Variants in PTK2 observed in about 807,000 individuals in gnomAD.
PTK2 encodes protein tyrosine kinase 2, also known as focal adhesion kinase 1.
PTK2 carries 45 observed loss-of-function variants against 150.1 expected under a neutral mutation model. The observed-to-expected ratio is 0.30, with a 90% CI of 0.24 to 0.38. The LOEUF is 0.38. Among genes scored for constraint, PTK2 ranks in the 10% least tolerant of loss-of-function variants. The probability of loss-of-function intolerance (pLI) is 1.00; values close to 1 mark genes in which losing one functional copy is unlikely to be tolerated. For missense variants in PTK2, 919 were observed against 1,307.3 expected (o/e 0.70, Z 4.58); for synonymous variants, 432 against 449.2 (o/e 0.96, Z 0.48).
intron 1 of PTK2, among the ~76,000 whole-genome samples, chr8:140,999,201 C>G (rs551305927): frequency 6.6e-6 from 1 of 152,304 alleles, no homozygotes; most frequent in South Asian, 2.1e-4. Flanking sequence ...TGACTTGCTT[C>G]TTGATGCATC....
At chr8:140,789,433 A>ATGAGAG in intron 14 of PTK2, 41 bp downstream of exon 14, 2 of 1,601,736 alleles carry the variant, frequency 1.2e-6, no homozygotes, top group South Asian at 2.2e-5. Flanking sequence ...GTCTTACCCC[A>ATGAGAG]TGAGAGTGCT....
intron 27 of PTK2, among the ~76,000 whole-genome samples, chr8:140,682,803 A>T (rs555958648): frequency 1.3e-5 from 2 of 152,236 alleles, no homozygotes; most frequent in African/African-American, 2.4e-5. Flanking sequence ...TTTGAAACTA[A>T]TAAGTACAAA....
chr8:140,816,141 C>G (rs992228148), intron 10 of PTK2, among the ~76,000 whole-genome samples: 1 of 152,132 alleles, frequency 6.6e-6, no homozygotes, highest in African/African-American at 2.4e-5. Flanking sequence ...AGGTTGCAGA[C>G]TGTATGTTAA....
At chr8:140,738,438 G>C (rs1317383772) in intron 21 of PTK2, among the ~76,000 whole-genome samples, 1 of 152,200 alleles carries the variant, frequency 6.6e-6, no homozygotes. Flanking sequence ...TTCTACACCA[G>C]CTAGAAGGAA....
chr8:140,744,788 A>AC, intron 18 of PTK2, 21 bp from the exon 22 acceptor site: 208 of 1,213,208 alleles, frequency 1.7e-4, no homozygotes, highest in Non-Finnish European at 2.1e-4. Flanking sequence ...AATGACCAAA[A>AC]GAAAAAAAAA....
At chr8:140,920,767 A>C (rs2100167088) in intron 2 of PTK2, 3 of 1,383,774 alleles carry the variant, frequency 2.2e-6, no homozygotes, top group Non-Finnish European at 2.8e-6. Context: ...TTCGGTGCAA[A>C]AGCATGAATT....
chr8:140,898,202 T>C (rs886113144), intron 2 of PTK2, among the ~76,000 whole-genome samples: 2 of 152,216 alleles, frequency 1.3e-5, no homozygotes, highest in Non-Finnish European at 2.9e-5. Context: ...ATTTCCATCA[T>C]TAGAATCAAT....
At chr8:140,995,381 C>CAAAAAA (rs34527935) in intron 1 of PTK2, among the ~76,000 whole-genome samples, 2 of 92,354 alleles carry the variant, frequency 2.2e-5, no homozygotes, top group African/African-American at 8.1e-5. Flanking sequence ...GACTCCGTCT[C>CAAAAAA]AAAAAAAAAA....
intron 29 of PTK2, 166 bp downstream of exon 33, chr8:140,669,561 T>C (rs1308479153): frequency 1.5e-6 from 1 of 647,960 alleles, no homozygotes; most frequent in Non-Finnish European, 2.6e-6. Context: ...CTCATTCTTT[T>C]GCATATATAA....
At chr8:141,001,304 G>C (rs1589433414), upstream of PTK2, 1 of 147,362 alleles carries the variant, frequency 6.8e-6, no homozygotes, top group Non-Finnish European at 1.5e-5. Flanking sequence ...GCGGGCCCGC[G>C]CGCGTGCGCG....
At chr8:140,846,968 T>C (rs1304346491) in intron 5 of PTK2, among the ~76,000 whole-genome samples, 3 of 152,162 alleles carry the variant, frequency 2.0e-5, no homozygotes, top group Non-Finnish European at 4.4e-5. Context: ...AAACGTGAGT[T>C]ATACCAAAAA....
At chr8:140,997,347 G>A (rs554753843) in intron 1 of PTK2, among the ~76,000 whole-genome samples, 111 of 152,342 alleles carry the variant, frequency 7.3e-4, no homozygotes, top group Non-Finnish European at 1.3e-3. Flanking sequence ...TGCATACACT[G>A]ATTGATAAAG....
chr8:140,970,230 G>C (rs1431616765), intron 1 of PTK2, among the ~76,000 whole-genome samples: 2 of 152,220 alleles, frequency 1.3e-5, no homozygotes, highest in Non-Finnish European at 2.9e-5. Context: ...TCCAACAGTA[G>C]TGAAGGACTA....
chr8:140,709,400 C>T (rs12550681), intron 23 of PTK2, among the ~76,000 whole-genome samples: 42,663 of 151,998 alleles, frequency 0.28, 6,742 homozygotes, highest in Admixed American at 0.39. Context: ...CAAAGGACAA[C>T]ACAAAATCAA....
At chr8:140,675,369 G>T in intron 28 of PTK2, 91 bp downstream of exon 31, 1 of 1,364,528 alleles carries the variant, frequency 7.3e-7, no homozygotes, top group South Asian at 1.2e-5. Context: ...TAACCATGAG[G>T]GTATTCCAAA....
chr8:140,755,087 G>A (rs911607441), intron 16 of PTK2, among the ~76,000 whole-genome samples: 6 of 152,096 alleles, frequency 3.9e-5, no homozygotes, highest in Non-Finnish European at 8.8e-5. Context: ...GCTAGTAGAC[G>A]TTTAAAATAT....
intron 25 of PTK2, 127 bp downstream of exon 28, chr8:140,702,443 T>G: frequency 8.0e-7 from 1 of 1,248,840 alleles, no homozygotes; most frequent in Non-Finnish European, 1.1e-6. Context: ...GGTTTCAAAC[T>G]CTGGGGCTCA....
At chr8:140,873,935 A>G (rs1009801680) in intron 4 of PTK2, among the ~76,000 whole-genome samples, 13 of 152,128 alleles carry the variant, frequency 8.5e-5, no homozygotes, top group Admixed American at 2.0e-4. Flanking sequence ...TTTATAGTGA[A>G]CGTTTTGGAG....
intron 13 of PTK2, among the ~76,000 whole-genome samples, chr8:140,790,283 T>A (rs1354752457): frequency 6.6e-6 from 1 of 152,214 alleles, no homozygotes; most frequent in Non-Finnish European, 1.5e-5. Flanking sequence ...ATATCTCTTA[T>A]CCACAATGCT....
Sources: allele counts gnomAD v4.1 joint callset (sites outside exome capture counted in the v4.1 genomes callset), GRCh38; gene constraint gnomAD v4.1.1; transcripts MANE v1.5; gene names NCBI Gene and HGNC (gene_info 2026-07-23, HGNC 2026-07-21).